SLC26A5: variants seen among roughly 807,000 people sequenced by gnomAD.
The protein encoded by SLC26A5 is prestin.
A neutral mutation model predicts 81.0 loss-of-function variants in SLC26A5; 51 were observed. The observed-to-expected ratio is 0.63, with a 90% CI of 0.50 to 0.80. The LOEUF (loss-of-function observed/expected upper bound fraction) is 0.80. Among genes scored for constraint, SLC26A5 ranks in the 30% least tolerant of loss-of-function variants. The pLI, the probability that SLC26A5 is intolerant of heterozygous loss-of-function variation, is 0.00. For missense variants in SLC26A5, 771 were observed against 905.8 expected (o/e 0.85, Z 1.91); for synonymous variants, 325 against 332.8 (o/e 0.98, Z 0.25).
chr7:103,405,881 G>C (rs529298390), intron 8 of SLC26A5, among the ~76,000 whole-genome samples: 1 of 152,214 alleles, frequency 6.6e-6, no homozygotes, highest in Non-Finnish European at 1.5e-5. Flanking sequence ...CCTGCCCAGA[G>C]AGGAGGAATC....
intron 9 of SLC26A5, among the ~76,000 whole-genome samples, chr7:103,394,182 CAG>C (rs1416831849): frequency 6.6e-6 from 1 of 152,176 alleles, no homozygotes; most frequent in African/African-American, 2.4e-5. Flanking sequence ...AGTAAGGAAA[CAG>C]AGGAAGAAAG....
chr7:103,435,385 G>A (rs563397729), intron 2 of SLC26A5, among the ~76,000 whole-genome samples: 217 of 152,200 alleles, frequency 1.4e-3, no homozygotes, highest in African/African-American at 5.1e-3. Context: ...ATAAATTAAG[G>A]ATTTCGTTTG....
chr7:103,431,174 T>C (rs1338566051), intron 2 of SLC26A5, among the ~76,000 whole-genome samples: 1 of 152,214 alleles, frequency 6.6e-6, no homozygotes, highest in Non-Finnish European at 1.5e-5. Context: ...AAGAAGCTAC[T>C]GGTTGACTAG....
intron 1 of SLC26A5, chr7:103,445,698 G>A (rs1236831170): frequency 3.3e-5 from 5 of 152,350 alleles, no homozygotes; most frequent in East Asian, 1.9e-4. Context: ...AAGAGGGCCA[G>A]AGGCAGAACT....
chr7:103,374,255 G>T lies in SLC26A5; in HGVS notation c.*144C>A. ...AAAAAACACAAGTACAATACATCTT[G>T]CTAGGCGTCATTCACCCTCCAAATC... On this transcript the variant is annotated 3_prime_UTR_variant, in exon 20 of 20. Coordinates refer to ENST00000306312, the MANE Select transcript of SLC26A5 (RefSeq NM_198999.3). 1.4e-6 allele frequency: 2 copies of T among 1,471,894 alleles called. No homozygotes were observed. Among genetic ancestry groups the T allele is most frequent in the Non-Finnish European group, 1.8e-6 (2 of 1,116,464 alleles). 91.2% of individuals were successfully genotyped at this position (1,471,894 alleles called of 1,614,324 possible).
At chr7:103,363,326 T>C in intron 19 of SLC26A5, 8 of 1,586,070 alleles carry the variant, frequency 5.0e-6, no homozygotes, top group Non-Finnish European at 6.1e-6. Context: ...ATGTTGTACA[T>C]TTCTGTCCCT....
intron 19 of SLC26A5, among the ~76,000 whole-genome samples, chr7:103,358,645 T>G (rs2095574597): frequency 6.6e-6 from 1 of 152,126 alleles, no homozygotes; most frequent in Non-Finnish European, 1.5e-5. Context: ...TTCAAGGCTC[T>G]TATCTTTATT....
chr7:103,386,698 A>C (rs78380958), intron 14 of SLC26A5, among the ~76,000 whole-genome samples: 9,031 of 152,116 alleles, frequency 0.059, 464 homozygotes, highest in East Asian at 0.31. Context: ...AAAACAAAAA[A>C]CACCACCACC....
intron 19 of SLC26A5, chr7:103,354,743 T>C: frequency 1.6e-6 from 1 of 636,376 alleles, no homozygotes; most frequent in South Asian, 1.9e-5. Flanking sequence ...GGAATACCTC[T>C]CTACTTCACA....
At chr7:103,378,021 C>CT (rs1233283950) in intron 17 of SLC26A5, among the ~76,000 whole-genome samples, 3 of 151,992 alleles carry the variant, frequency 2.0e-5, no homozygotes, top group African/African-American at 7.2e-5. Flanking sequence ...CCTTCTCCTC[C>CT]TTTTTTTTCT....
intron 19 of SLC26A5, chr7:103,361,805 G>A: frequency 1.5e-6 from 1 of 657,680 alleles, no homozygotes; most frequent in Non-Finnish European, 2.3e-6. Flanking sequence ...GACCTTTGGA[G>A]TTGGGTATAG....
Position 103,374,366 on chromosome 7 carries a change from G to T in SLC26A5, c.*33C>A, listed in dbSNP as rs766491675. 4 of 1,611,328 alleles carry T rather than the reference G, an allele frequency of 2.5e-6. No individual in the cohort carries two copies. In the African/African-American group the frequency reaches 5.3e-5, roughly 22 times the overall value. ...GTGTAAATTATGAACTTCATGAGAG[G>T]CTTATAACCCCATCCTAGGGTGAGG... On this transcript the variant is annotated 3_prime_UTR_variant, in exon 20 of 20. Transcript: ENST00000306312.
At chr7:103,414,188 C>A (rs528649256) in intron 4 of SLC26A5, among the ~76,000 whole-genome samples, 4 of 134,494 alleles carry the variant, frequency 3.0e-5, no homozygotes, top group Non-Finnish European at 4.7e-5. Context: ...TTTTGCCCCC[C>A]CCTTTTTTTT....
chr7:103,354,156 C>A (rs1193642612), intron 19 of SLC26A5, among the ~76,000 whole-genome samples: 1 of 151,944 alleles, frequency 6.6e-6, no homozygotes. Flanking sequence ...AAGTTACCTA[C>A]CTAAAGTTTA....
Position 103,367,655 on chromosome 7 carries a change from G to GT in SLC26A5, c.2041+9152dup, listed in dbSNP as rs1554576104. 9.9e-6 allele frequency: 16 copies of GT among 1,608,990 alleles called. No homozygotes were observed. The highest frequency in any genetic ancestry group is 1.2e-5 in the Non-Finnish European group (14 of 1,177,622). ...TCATTTTAGGAAAGGGATTTTTGAA[G>GT]TTTTTTCTTCCTGTGATTTTTTTCC... On this transcript the variant is annotated intron_variant, in intron 19 of 19. Transcript: ENST00000339444. The surrounding 1 kb of genome is among the most constrained non-coding windows in gnomAD (Gnocchi z 6.1).
intron 2 of SLC26A5, among the ~76,000 whole-genome samples, chr7:103,440,959 C>A (rs1772393247): frequency 6.6e-6 from 1 of 152,168 alleles, no homozygotes; most frequent in African/African-American, 2.4e-5. Context: ...CCCCTGGAGA[C>A]AGCACTGCAT....
rs764886039 is a variant in SLC26A5, at chr7:103,407,806, T to C, written c.888+45A>G. On this transcript the variant is annotated intron_variant, in intron 8 of 19. Transcript: ENST00000306312. Reference sequence around the variant, plus strand: ...AAAATCCCTCACAGAAATAAGTAAATGCAGTTGTAGAAGCCGAGTAGGTCA... The same window carrying C: ...AAAATCCCTCACAGAAATAAGTAAACGCAGTTGTAGAAGCCGAGTAGGTCA... The C allele has an allele frequency of 3.1e-6, 5 of 1,605,456 alleles. No individual in the cohort carries two copies. In the South Asian group the frequency reaches 4.4e-5, roughly 14 times the overall value.
downstream of SLC26A5, among the ~76,000 whole-genome samples, chr7:103,369,766 A>G (rs932081358): frequency 6.6e-6 from 1 of 152,226 alleles, no homozygotes; most frequent in Non-Finnish European, 1.5e-5. Flanking sequence ...GATAAGTTAG[A>G]ATACAAAGGA....
intron 4 of SLC26A5, 52 bp downstream of exon 4, chr7:103,420,686 C>A: frequency 6.2e-7 from 1 of 1,608,106 alleles, no homozygotes; most frequent in South Asian, 1.1e-5. Context: ...AACAGAAGGT[C>A]AAGCAATTGT....
Sources: gnomAD v4.1 joint callset for allele counts (sites outside exome capture counted in the v4.1 genomes callset) on GRCh38, gnomAD v4.1.1 for gene constraint, Gnocchi (gnomAD v3.1) non-coding constraint, MANE v1.5 for transcripts, NCBI Gene and HGNC (gene_info 2026-07-23, HGNC 2026-07-21) for gene names.